Variants in DIP2B observed in about 807,000 individuals in gnomAD.
DIP2B encodes DIP2 acetate--CoA ligase B (putative), also known as disco-interacting protein 2 homolog B.
DIP2B carries 76 observed loss-of-function variants against 198.0 expected under a neutral mutation model. The observed-to-expected ratio is 0.38, with a 90% CI of 0.32 to 0.46. The LOEUF (loss-of-function observed/expected upper bound fraction) is 0.46, where lower values mean the gene tolerates loss of function less well. Among genes scored for constraint, DIP2B ranks in the 20% least tolerant of loss-of-function variants. The pLI, the probability that DIP2B is intolerant of heterozygous loss-of-function variation, is 0.99. For synonymous variants in DIP2B, 701 were observed against 739.1 expected, an observed-to-expected ratio of 0.95 and a Z score of 0.84; for missense variants, 1,559 against 1,978.4, an observed-to-expected ratio of 0.79 and a Z score of 4.02.
At chr12:50,683,063 T>C (rs966582742) in intron 9 of DIP2B, 75 bp from the exon 10 acceptor site, 10 of 1,194,650 alleles carry the variant, frequency 8.4e-6, no homozygotes, top group Admixed American at 2.3e-5. Flanking sequence ...AAATATTACA[T>C]ACTTAGACAG....
intron 30 of DIP2B, among the ~76,000 whole-genome samples, chr12:50,729,075 T>C (rs1011305248): frequency 3.3e-5 from 5 of 152,152 alleles, no homozygotes; most frequent in African/African-American, 1.2e-4. Flanking sequence ...GGATGGAAAG[T>C]AGCACATTTG....
chr12:50,644,485 C>T (rs1593681956), intron 3 of DIP2B, among the ~76,000 whole-genome samples: 1 of 152,314 alleles, frequency 6.6e-6, no homozygotes, highest in African/African-American at 2.4e-5. Context: ...CCACATGCTT[C>T]TGGGAGAGAT....
At chr12:50,530,131 C>T (rs143575771) in intron 1 of DIP2B, among the ~76,000 whole-genome samples, 5 of 152,010 alleles carry the variant, frequency 3.3e-5, no homozygotes, top group Non-Finnish European at 5.9e-5. Flanking sequence ...GGCTGGAGTG[C>T]GGTGGCGCGA....
chr12:50,544,222 C>CAAA (rs148543495), intron 1 of DIP2B, among the ~76,000 whole-genome samples: 31 of 142,920 alleles, frequency 2.2e-4, no homozygotes, highest in South Asian at 1.1e-3. Flanking sequence ...GACTCCATCT[C>CAAA]AAAAAAAAAA....
At chr12:50,565,685 C>T (rs191413507) in intron 1 of DIP2B, among the ~76,000 whole-genome samples, 12 of 152,276 alleles carry the variant, frequency 7.9e-5, no homozygotes, top group Admixed American at 7.2e-4. Flanking sequence ...TGTGTCTTCA[C>T]ATCTAGTAGG....
intron 3 of DIP2B, among the ~76,000 whole-genome samples, chr12:50,642,507 C>T (rs1425912966): frequency 6.6e-6 from 1 of 151,996 alleles, no homozygotes; most frequent in Admixed American, 6.6e-5. Context: ...TACTAGTAGG[C>T]CAGGGTGGTG....
At chr12:50,551,410 G>A (rs149736170) in intron 1 of DIP2B, among the ~76,000 whole-genome samples, 2,027 of 152,178 alleles carry the variant, frequency 0.013, 50 homozygotes, top group African/African-American at 0.046. Flanking sequence ...GCAACAGAGC[G>A]AGACTCCATC....
chr12:50,641,275 T>C (rs1367567754), intron 3 of DIP2B, among the ~76,000 whole-genome samples: 1 of 152,144 alleles, frequency 6.6e-6, no homozygotes, highest in East Asian at 1.9e-4. Flanking sequence ...GAGAATCACT[T>C]GAACCTGGGA....
intron 22 of DIP2B, among the ~76,000 whole-genome samples, chr12:50,712,700 A>G (rs1939640881): frequency 6.6e-6 from 1 of 152,188 alleles, no homozygotes; most frequent in Non-Finnish European, 1.5e-5. Context: ...CGAGGTCAGG[A>G]GTTCGAGACC....
chr12:50,593,594 A>G (rs1399830857), intron 1 of DIP2B, among the ~76,000 whole-genome samples: 1 of 151,454 alleles, frequency 6.6e-6, no homozygotes, highest in Non-Finnish European at 1.5e-5. Context: ...GATGAGAAAG[A>G]GCCCATCAGA....
chr12:50,565,779 C>T (rs950475551), intron 1 of DIP2B, among the ~76,000 whole-genome samples: 1 of 152,102 alleles, frequency 6.6e-6, no homozygotes, highest in African/African-American at 2.4e-5. Context: ...CATCTATTTT[C>T]TCAAGGAATT....
chr12:50,554,768 GC>G (rs1958455572), intron 1 of DIP2B, among the ~76,000 whole-genome samples: 2 of 143,866 alleles, frequency 1.4e-5, no homozygotes, highest in South Asian at 4.4e-4. Context: ...CTCCCCCCCC[GC>G]CCCTTTTTTT....
chr12:50,655,455 A>G (rs1479253487), intron 3 of DIP2B, among the ~76,000 whole-genome samples: 1 of 152,230 alleles, frequency 6.6e-6, no homozygotes, highest in Non-Finnish European at 1.5e-5. Flanking sequence ...GACTTTTGGA[A>G]CATGTTAACT....
At chr12:50,514,207 A>T (rs913020642) in intron 1 of DIP2B, among the ~76,000 whole-genome samples, 5 of 151,558 alleles carry the variant, frequency 3.3e-5, no homozygotes, top group South Asian at 2.1e-4. Flanking sequence ...CTGGGATTAC[A>T]GGCATGCACC....
At chr12:50,713,418 T>C (rs1939655453) in intron 22 of DIP2B, among the ~76,000 whole-genome samples, 1 of 152,262 alleles carries the variant, frequency 6.6e-6, no homozygotes, top group Non-Finnish European at 1.5e-5. Flanking sequence ...TTTGCATTTG[T>C]ATTTTGTCAG....
At chr12:50,667,940 C>G (rs1938784693) in intron 4 of DIP2B, among the ~76,000 whole-genome samples, 1 of 152,164 alleles carries the variant, frequency 6.6e-6, no homozygotes, top group African/African-American at 2.4e-5. Flanking sequence ...AGGATAAAGG[C>G]AAGTTTCCTT....
At chr12:50,732,587 T>A in intron 32 of DIP2B, 51 bp downstream of exon 32, 2 of 1,602,166 alleles carry the variant, frequency 1.2e-6, no homozygotes, top group Non-Finnish European at 1.7e-6. Context: ...GAATATGGAG[T>A]ATCCCAGAGC....
intron 1 of DIP2B, among the ~76,000 whole-genome samples, chr12:50,593,497 C>G (rs1038597968): frequency 2.0e-5 from 3 of 150,580 alleles, no homozygotes; most frequent in East Asian, 2.0e-4. Context: ...AAACGAGACT[C>G]TGTCTCAAAA....
intron 1 of DIP2B, among the ~76,000 whole-genome samples, chr12:50,529,819 A>G (rs1479489688): frequency 6.6e-6 from 1 of 150,978 alleles, no homozygotes; most frequent in Non-Finnish European, 1.5e-5. Context: ...AGATCATGCC[A>G]TTGTACTCCA....
Sources: allele counts gnomAD v4.1 joint callset (sites outside exome capture counted in the v4.1 genomes callset), GRCh38; gene constraint gnomAD v4.1.1; transcripts MANE v1.5; gene names NCBI Gene and HGNC (gene_info 2026-07-23, HGNC 2026-07-21).